The following NEBL variants were observed in gnomAD, a reference collection of about 807,000 sequenced individuals.
NEBL encodes LIM and SH3 protein 2.
Under a neutral mutation model 140.2 loss-of-function variants are expected in NEBL, and 122 were observed. The ratio of observed to expected loss-of-function variants is 0.87; its 90% CI spans 0.75 to 1.01. NEBL has a LOEUF of 1.01. NEBL is among the 50% of genes least tolerant of loss of function. The pLI, the probability that NEBL is intolerant of heterozygous loss-of-function variation, is 0.00. For synonymous variants in NEBL, 436 were observed against 398.9 expected (o/e 1.09, Z -1.11); for missense variants, 1,365 against 1,231.3 (o/e 1.11, Z -1.62).
chr10:21,069,666 T>C (rs1835726208), intron 2 of NEBL, among the ~76,000 whole-genome samples: 1 of 152,222 alleles, frequency 6.6e-6, no homozygotes, highest in Admixed American at 6.5e-5. Context: ...AACTGAGAAA[T>C]GGTTCATGTT....
At chr10:21,061,972 A>G (rs2131881702) in intron 2 of NEBL, among the ~76,000 whole-genome samples, 1 of 152,368 alleles carries the variant, frequency 6.6e-6, no homozygotes, top group East Asian at 1.9e-4. Context: ...GCAGGCTGAA[A>G]TGGTAATCCT....
Position 20,859,825 on chromosome 10 carries a change from ATC to A in NEBL, c.685-1_685del. 4.3e-6 allele frequency: 6 copies of A among 1,403,748 alleles called. 1 individual carries two copies. In the South Asian group the frequency reaches 5.9e-5, roughly 14 times the overall value. 87.0% of individuals were successfully genotyped at this position (1,403,748 alleles called of 1,614,324 possible). On this transcript the variant is annotated splice_acceptor_variant and coding_sequence_variant, in exon 8 of 28. Transcript: ENST00000377122. LOFTEE classifies it high-confidence loss of function. ...ATTATCAAATTTTTCTTTGTATTTA[ATC>A]TGTCATAAAAGAGAAATAGTACATG...
Position 21,146,337 on chromosome 10 carries a change from T to C in NEBL, c.164+26046A>G, listed in dbSNP as rs187976257. ...GTATAAACCTGCCCCCAACACATAC[T>C]CTACCTGTTCATGTCTGGAATGTAC... On this transcript the variant is annotated intron_variant, in intron 2 of 6. Coordinates refer to the NEBL transcript ENST00000417816. The C allele has an allele frequency of 1.6e-5, 26 of 1,608,588 alleles. No individual in the cohort carries two copies. In the Middle Eastern group the frequency reaches 6.6e-4, roughly 41 times the overall value.
chr10:20,861,944 G>A (rs150005921), intron 7 of NEBL, among the ~76,000 whole-genome samples: 3 of 152,202 alleles, frequency 2.0e-5, no homozygotes, highest in East Asian at 1.9e-4. Flanking sequence ...AGCTTCGCCT[G>A]GCCTACCTTA....
chr10:20,833,700 G>A (rs1840627279), intron 14 of NEBL, among the ~76,000 whole-genome samples: 1 of 151,130 alleles, frequency 6.6e-6, no homozygotes, highest in African/African-American at 2.4e-5. Flanking sequence ...AGCTTGCAGT[G>A]AGCCGAGATT....
At chr10:20,922,357 G>A (rs1289187889) in intron 4 of NEBL, among the ~76,000 whole-genome samples, 1 of 152,200 alleles carries the variant, frequency 6.6e-6, no homozygotes, top group East Asian at 1.9e-4. Context: ...TTAAAAGCAT[G>A]AGAACGATAT....
chr10:20,945,873 C>T (rs1835130231), intron 4 of NEBL, among the ~76,000 whole-genome samples: 1 of 152,188 alleles, frequency 6.6e-6, no homozygotes, highest in African/African-American at 2.4e-5. Context: ...GGACTCCAGT[C>T]CCAGCTCTGT....
chr10:20,845,051 C>T (rs71578940), intron 12 of NEBL, among the ~76,000 whole-genome samples: 7 of 151,952 alleles, frequency 4.6e-5, no homozygotes, highest in Non-Finnish European at 1.0e-4. Flanking sequence ...TGGGTAATTT[C>T]TTCTCGCAAC....
At chr10:20,871,917 A>C (rs1564406450) in intron 5 of NEBL, among the ~76,000 whole-genome samples, 2 of 152,216 alleles carry the variant, frequency 1.3e-5, no homozygotes, top group African/African-American at 4.8e-5. Context: ...CCCTGAGTTA[A>C]ATACAAGCTG....
chr10:20,823,387 A>T, intron 18 of NEBL, 87 bp from the exon 19 acceptor site: 1 of 976,126 alleles, frequency 1.0e-6, no homozygotes, highest in East Asian at 2.6e-5. Flanking sequence ...ACTATTGCAT[A>T]ATTGAATTTT....
intron 2 of NEBL, among the ~76,000 whole-genome samples, chr10:21,053,504 A>G (rs1288479129): frequency 6.6e-6 from 1 of 152,240 alleles, no homozygotes; most frequent in East Asian, 1.9e-4. Flanking sequence ...AAACATTTAT[A>G]ATGAGCATCA....
At chr10:21,158,546 G>A (rs565453249) in intron 2 of NEBL, among the ~76,000 whole-genome samples, 68 of 152,230 alleles carry the variant, frequency 4.5e-4, no homozygotes, top group African/African-American at 1.4e-3. Flanking sequence ...GTAACTCAAC[G>A]TCAGCCCCAG....
At chr10:21,099,019 T>C (rs1023334445) in intron 2 of NEBL, among the ~76,000 whole-genome samples, 1 of 152,022 alleles carries the variant, frequency 6.6e-6, no homozygotes, top group African/African-American at 2.4e-5. Context: ...TGCGGTCCTA[T>C]CTACTCGGAA....
chr10:21,251,469 G>A (rs1457098314), intron 2 of NEBL, among the ~76,000 whole-genome samples: 1 of 152,114 alleles, frequency 6.6e-6, no homozygotes, highest in African/African-American at 2.4e-5. Context: ...TATGTAGTAG[G>A]TTGAATGGTG....
chr10:20,825,083 A>C (rs937091875), intron 18 of NEBL, among the ~76,000 whole-genome samples: 1 of 152,118 alleles, frequency 6.6e-6, no homozygotes, highest in African/African-American at 2.4e-5. Flanking sequence ...GGTGCTACAG[A>C]GGTTTTATTG....
chr10:20,817,746 T>C (rs189240470), intron 20 of NEBL, 54 bp from the exon 21 acceptor site: 25 of 1,374,700 alleles, frequency 1.8e-5, no homozygotes, highest in Admixed American at 1.5e-4. Context: ...TCCACTGAAA[T>C]ACCACAAAGG....
At chr10:20,795,560 ATG>A (rs113613364) in intron 26 of NEBL, among the ~76,000 whole-genome samples, 5 of 150,950 alleles carry the variant, frequency 3.3e-5, no homozygotes, top group Admixed American at 6.6e-5. Context: ...TGCGTGTGCA[ATG>A]TGTGTGTGTG....
intron 26 of NEBL, among the ~76,000 whole-genome samples, chr10:20,793,680 A>G (rs1230992797): frequency 6.6e-6 from 1 of 151,754 alleles, no homozygotes; most frequent in Non-Finnish European, 1.5e-5. Flanking sequence ...CAGCCTCCCA[A>G]GTAGCTGGGA....
intron 3 of NEBL, among the ~76,000 whole-genome samples, chr10:21,207,197 C>T (rs957108582): frequency 6.6e-6 from 1 of 152,052 alleles, no homozygotes; most frequent in African/African-American, 2.4e-5. Context: ...TGGTCTCAAA[C>T]TTCTGACCTC....
Sources: allele counts gnomAD v4.1 joint callset (sites outside exome capture counted in the v4.1 genomes callset), GRCh38; gene constraint gnomAD v4.1.1; transcripts MANE v1.5; gene names NCBI Gene and HGNC (gene_info 2026-07-23, HGNC 2026-07-21).